The following BMPR1A variants were observed in gnomAD, a reference collection of about 807,000 sequenced individuals.
BMPR1A encodes bone morphogenetic protein receptor type 1A.
Under a neutral mutation model 66.0 loss-of-function variants are expected in BMPR1A, and 7 were observed. The observed-to-expected ratio is 0.11, with a 90% CI of 0.06 to 0.20. The LOEUF is 0.20. Among genes scored for constraint, BMPR1A ranks in the 10% least tolerant of loss-of-function variants. The probability of loss-of-function intolerance (pLI) is 1.00; values close to 1 mark genes in which losing one functional copy is unlikely to be tolerated. For missense variants in BMPR1A, 408 were observed against 669.1 expected, an observed-to-expected ratio of 0.61 and a Z score of 4.31; for synonymous variants, 200 against 229.7, an observed-to-expected ratio of 0.87 and a Z score of 1.17.
At chr10:86,903,026 C>T (rs1003818608) in intron 7 of BMPR1A, among the ~76,000 whole-genome samples, 9 of 152,104 alleles carry the variant, frequency 5.9e-5, no homozygotes, top group African/African-American at 2.2e-4. Context: ...TCTGGTCTCA[C>T]CCTAAAAGCA....
intron 1 of BMPR1A, among the ~76,000 whole-genome samples, chr10:86,798,440 T>C (rs1405024604): frequency 6.6e-6 from 1 of 152,246 alleles, no homozygotes; most frequent in Non-Finnish European, 1.5e-5. Context: ...TAAATGTTCC[T>C]TGAGCCTTAG....
At chr10:86,824,112 T>TGTGTGTGTGTTTGTGTGTGTG (rs1564695887) in intron 1 of BMPR1A, among the ~76,000 whole-genome samples, 2 of 151,734 alleles carry the variant, frequency 1.3e-5, no homozygotes, top group Non-Finnish European at 2.9e-5. Context: ...TGTGTGTGTG[T>TGTGTGTGTGTTTGTGTGTGTG]TTCTTTCAGT....
intron 5 of BMPR1A, among the ~76,000 whole-genome samples, chr10:86,898,403 C>T (rs1220770690): frequency 6.6e-6 from 1 of 152,074 alleles, no homozygotes; most frequent in Non-Finnish European, 1.5e-5. Context: ...CTTACAAGGG[C>T]TTTCATCTTC....
intron 1 of BMPR1A, among the ~76,000 whole-genome samples, chr10:86,791,687 T>TCCTTCCTCCCTCCCTCCCGCCCTC (rs1349088833): frequency 1.3e-5 from 1 of 78,812 alleles, no homozygotes; most frequent in African/African-American, 5.2e-5. Context: ...TTTACTTCCT[T>TCCTTCCTCCCTCCCTCCCGCCCTC]CCTCCCTCCC....
intron 1 of BMPR1A, among the ~76,000 whole-genome samples, chr10:86,812,174 C>T (rs369819008): frequency 2.6e-4 from 40 of 152,128 alleles, no homozygotes; most frequent in Non-Finnish European, 5.3e-4. Flanking sequence ...GTTCAGTCAC[C>T]GGAAAACCTC....
Position 86,919,380 on chromosome 10 carries a change from T to A in BMPR1A, c.1077T>A (p.Ala359=), listed in dbSNP as rs761131818. Residue 359 remains alanine (A), a synonymous_variant, in exon 10 of 13, where the codon GCT becomes GCA. Transcript: ENST00000372037. The part of the protein sequence containing the change: ...IYGTQGKPAI[A]HRDLKSKNIL... ...GCACCCAAGGAAAGCCCGCAATTGC[T>A]CATCGAGACCTAAAGAGCAAAAACA... The A allele has an allele frequency of 1.2e-6, 2 of 1,612,948 alleles. No individual in the cohort carries two copies. The highest frequency in any genetic ancestry group is 2.7e-5 in the African/African-American group (2 of 74,898).
At chr10:86,931,596 AGAT>A (rs1843811564), downstream of BMPR1A, 1 of 152,108 alleles carries the variant, frequency 6.6e-6, no homozygotes, top group Admixed American at 6.5e-5. Flanking sequence ...CTAACTCTGA[AGAT>A]GATACTCCAT....
At chr10:86,808,584 T>C (rs997734745) in intron 1 of BMPR1A, among the ~76,000 whole-genome samples, 1 of 152,220 alleles carries the variant, frequency 6.6e-6, no homozygotes, top group Non-Finnish European at 1.5e-5. Context: ...TCTCCACTCA[T>C]TGACAAACCA....
chr10:86,924,904 G>A lies in BMPR1A; in HGVS notation c.*1185G>A, dbSNP rs1589294137. The A allele has an allele frequency of 1.7e-5, 4 of 231,984 alleles. No homozygotes were observed. In the East Asian group the frequency reaches 2.5e-4, roughly 14 times the overall value. The allele number at this position is 231,984 out of a possible 1,614,324, so 14.4% of individuals were successfully genotyped here. ...ATTCAAAGTAATATATCAAATCCAG[G>A]ACTTTGTTAACTTCAGGTAAAAACT... On this transcript the variant is annotated 3_prime_UTR_variant, in exon 13 of 13. Transcript: ENST00000372037.
At chr10:86,802,887 G>T (rs752065740) in intron 1 of BMPR1A, among the ~76,000 whole-genome samples, 1 of 151,300 alleles carries the variant, frequency 6.6e-6, no homozygotes, top group Admixed American at 6.6e-5. Context: ...CGTGGACAAC[G>T]TAGTGAGACT....
intron 3 of BMPR1A, among the ~76,000 whole-genome samples, chr10:86,877,809 C>A (rs1842938402): frequency 6.6e-6 from 1 of 152,120 alleles, no homozygotes. Context: ...AGGTAATCTC[C>A]ATTTTGGCAT....
chr10:86,810,684 T>C (rs1222786056), intron 1 of BMPR1A, among the ~76,000 whole-genome samples: 2 of 152,274 alleles, frequency 1.3e-5, no homozygotes. Context: ...TTCCATGTGC[T>C]TATTGCTCAT....
intron 1 of BMPR1A, among the ~76,000 whole-genome samples, chr10:86,770,202 A>G (rs1186620103): frequency 6.6e-6 from 1 of 152,186 alleles, no homozygotes; most frequent in Non-Finnish European, 1.5e-5. Context: ...GAGGTGGCAG[A>G]TTGGCTTGAG....
chr10:86,844,898 TCC>T (rs1199663273), intron 2 of BMPR1A, among the ~76,000 whole-genome samples: 2 of 152,194 alleles, frequency 1.3e-5, no homozygotes, highest in Non-Finnish European at 2.9e-5. Context: ...TGCCTCAGCC[TCC>T]CGAGAGGCTG....
At chr10:86,768,274 T>C (rs950219893) in intron 1 of BMPR1A, among the ~76,000 whole-genome samples, 13 of 152,192 alleles carry the variant, frequency 8.5e-5, no homozygotes, top group African/African-American at 2.7e-4. Flanking sequence ...ATCTTAAATA[T>C]AAAGAGCGTG....
intron 2 of BMPR1A, among the ~76,000 whole-genome samples, chr10:86,849,669 G>A (rs1320118669): frequency 6.6e-6 from 1 of 152,202 alleles, no homozygotes; most frequent in Admixed American, 6.5e-5. Context: ...CTACTGAGTA[G>A]CCACATATGG....
At chr10:86,845,901 G>T (rs577158075) in intron 2 of BMPR1A, among the ~76,000 whole-genome samples, 1 of 152,048 alleles carries the variant, frequency 6.6e-6, no homozygotes, top group Non-Finnish European at 1.5e-5. Context: ...GGAGGCTGAG[G>T]CAGGAGAATG....
At chr10:86,842,790 C>CCTA (rs1396820936) in intron 2 of BMPR1A, among the ~76,000 whole-genome samples, 3 of 152,054 alleles carry the variant, frequency 2.0e-5, no homozygotes, top group Admixed American at 6.6e-5. Context: ...TAGGTGGCAG[C>CCTA]AGGCAGAGAG....
intron 2 of BMPR1A, among the ~76,000 whole-genome samples, chr10:86,868,153 T>C (rs753155750): frequency 2.0e-5 from 3 of 152,198 alleles, no homozygotes; most frequent in Non-Finnish European, 2.9e-5. Context: ...TGTAAAACTT[T>C]CTAAAACACC....
Sources: gnomAD v4.1 joint callset for allele counts (sites outside exome capture counted in the v4.1 genomes callset) on GRCh38, gnomAD v4.1.1 for gene constraint, MANE v1.5 for transcripts, NCBI Gene and HGNC (gene_info 2026-07-23, HGNC 2026-07-21) for gene names.